The following MYO16 variants were observed in gnomAD, a reference collection of about 807,000 sequenced individuals.
MYO16 encodes unconventional myosin-XVI.
Under a neutral mutation model 205.3 loss-of-function variants are expected in MYO16, and 94 were observed. The observed-to-expected ratio is 0.46, with a 90% CI of 0.39 to 0.54. The LOEUF (loss-of-function observed/expected upper bound fraction) is 0.54. MYO16 is among the 20% of genes least tolerant of loss of function. MYO16 has a pLI of 0.00. For missense variants in MYO16, 2,315 were observed against 2,387.5 expected (o/e 0.97, Z 0.63); for synonymous variants, 988 against 954.0 (o/e 1.04, Z -0.66).
At chr13:108,927,479 G>T (rs1182954282) in intron 16 of MYO16, among the ~76,000 whole-genome samples, 2 of 152,120 alleles carry the variant, frequency 1.3e-5, no homozygotes, top group Non-Finnish European at 2.9e-5. Flanking sequence ...CCCTGCTGCA[G>T]GCCAATTAGG....
chr13:108,693,969 T>A (rs1566554092), intron 2 of MYO16, among the ~76,000 whole-genome samples: 1 of 152,200 alleles, frequency 6.6e-6, no homozygotes, highest in Non-Finnish European at 1.5e-5. Flanking sequence ...TATTTGGTTT[T>A]CTGTTCCTGT....
chr13:108,504,374 A>T, the MYO16 span, among the ~76,000 whole-genome samples: 1 of 151,950 alleles, frequency 6.6e-6, no homozygotes, highest in Admixed American at 6.6e-5. Context: ...TGATCCACCC[A>T]CCTCAGCCTC....
chr13:109,054,008 T>C (rs995691237), intron 25 of MYO16, among the ~76,000 whole-genome samples: 2 of 152,158 alleles, frequency 1.3e-5, no homozygotes, highest in Admixed American at 6.6e-5. Context: ...GATTTCCTTC[T>C]TGTATCAAGA....
intron 4 of MYO16, among the ~76,000 whole-genome samples, chr13:108,756,219 G>A (rs1885417934): frequency 6.6e-6 from 1 of 151,690 alleles, no homozygotes; most frequent in African/African-American, 2.4e-5. Flanking sequence ...TTATTTTTCA[G>A]TAGAAAAAAA....
chr13:108,979,259 T>A lies in MYO16; in HGVS notation c.2370-13117T>A, dbSNP rs139064012. 5.4e-3 allele frequency among the ~76,000 whole-genome samples: 817 copies of A among 152,084 alleles called. 1 individual carries two copies. The highest frequency in any genetic ancestry group is 8.4e-3 in the Non-Finnish European group (569 of 67,862). On this transcript the variant is annotated intron_variant, in intron 20 of 34. Transcript: ENST00000457511. ...TTTTGGGTGATTTTTTTTTCCTGAA[T>A]TCATGAGCTGAATATTTGTTTCATA...
chr13:108,792,589 G>A (rs1886650405), intron 5 of MYO16, among the ~76,000 whole-genome samples: 1 of 146,780 alleles, frequency 6.8e-6, no homozygotes, highest in Non-Finnish European at 1.5e-5. Context: ...TTGGCTCACT[G>A]CAACCTCTGC....
intron 4 of MYO16, among the ~76,000 whole-genome samples, chr13:108,747,939 TGATA>T (rs1885118053): frequency 6.6e-6 from 1 of 152,086 alleles, no homozygotes; most frequent in African/African-American, 2.4e-5. Context: ...TTTCAGGAAT[TGATA>T]GATCAAACAG....
chr13:108,851,993 C>T (rs561393330), intron 10 of MYO16, among the ~76,000 whole-genome samples: 1 of 152,310 alleles, frequency 6.6e-6, no homozygotes, highest in Non-Finnish European at 1.5e-5. Flanking sequence ...ACACCCATCT[C>T]CTCCCGACCT....
the MYO16 span, among the ~76,000 whole-genome samples, chr13:108,541,266 T>C: frequency 1.3e-4 from 20 of 151,882 alleles, no homozygotes; most frequent in South Asian, 3.5e-3. Flanking sequence ...ATATATTACA[T>C]TATACATCTA....
In MYO16 at chr13:109,109,273, C is replaced by T. The variant is rs568374291; in HGVS notation, c.3438+8386C>T. 6.6e-5 allele frequency among the ~76,000 whole-genome samples: 10 copies of T among 152,282 alleles called. No homozygotes were observed. The South Asian group carries it at 2.1e-3, about 32-fold the overall frequency. On this transcript the variant is annotated intron_variant, in intron 28 of 34. Coordinates refer to ENST00000457511, the MANE Select transcript of MYO16 (RefSeq NM_001198950.3). Reference sequence around the variant, plus strand: ...ATGCCAGAAGCCTTGTAATTACTAACACGTTTTTCTTCTCAAGAACCAGTT... The same window carrying T: ...ATGCCAGAAGCCTTGTAATTACTAATACGTTTTTCTTCTCAAGAACCAGTT...
chr13:108,859,967 T>G (rs553127000), intron 11 of MYO16, among the ~76,000 whole-genome samples: 62 of 152,104 alleles, frequency 4.1e-4, no homozygotes, highest in African/African-American at 1.2e-3. Flanking sequence ...TTCAGCCACT[T>G]AACATGCCAC....
intron 4 of MYO16, among the ~76,000 whole-genome samples, chr13:108,777,363 CG>C (rs1566321757): frequency 6.6e-6 from 1 of 151,948 alleles, no homozygotes; most frequent in Admixed American, 6.6e-5. Flanking sequence ...ATTACAAAGG[CG>C]GGGGGTAAAG....
At chr13:108,739,109 T>C (rs1566580084) in intron 4 of MYO16, among the ~76,000 whole-genome samples, 1 of 152,226 alleles carries the variant, frequency 6.6e-6, no homozygotes, top group African/African-American at 2.4e-5. Context: ...TCTGTGTCTT[T>C]TAATTGGAGC....
chr13:109,126,834 G>A (rs146027200), intron 30 of MYO16, among the ~76,000 whole-genome samples: 10 of 152,274 alleles, frequency 6.6e-5, no homozygotes, highest in South Asian at 2.1e-4. Context: ...ATCCTCTTGC[G>A]AGGGGAAATG....
chr13:108,669,226 T>C (rs746318662), intron 2 of MYO16, among the ~76,000 whole-genome samples: 5 of 151,428 alleles, frequency 3.3e-5, no homozygotes, highest in Non-Finnish European at 7.4e-5. Flanking sequence ...TGAGGGAGGG[T>C]GCTTTCTTGG....
intron 33 of MYO16, among the ~76,000 whole-genome samples, chr13:109,168,122 G>T (rs1878766006): frequency 6.6e-6 from 1 of 151,950 alleles, no homozygotes; most frequent in Non-Finnish European, 1.5e-5. Context: ...ATCATAAAAA[G>T]TCAACTCAAA....
At chr13:108,933,499 G>A (rs976010184) in intron 16 of MYO16, among the ~76,000 whole-genome samples, 3 of 140,440 alleles carry the variant, frequency 2.1e-5, no homozygotes, top group Middle Eastern at 3.5e-3. Context: ...TTATTTGGAT[G>A]TGTGTGTGTG....
the MYO16 span, among the ~76,000 whole-genome samples, chr13:108,553,140 TC>T: frequency 6.8e-6 from 1 of 147,986 alleles, no homozygotes; most frequent in South Asian, 2.3e-4. Context: ...TGCCTCAGCC[TC>T]CTGAGTAGCT....
At chr13:108,959,777 C>T (rs1237901164) in intron 17 of MYO16, among the ~76,000 whole-genome samples, 1 of 152,172 alleles carries the variant, frequency 6.6e-6, no homozygotes, top group Non-Finnish European at 1.5e-5. Flanking sequence ...CGCAGAAGCA[C>T]AGCCTCCTTT....
Sources: allele counts gnomAD v4.1 joint callset (sites outside exome capture counted in the v4.1 genomes callset), GRCh38; gene constraint gnomAD v4.1.1; transcripts MANE v1.5; gene names NCBI Gene and HGNC (gene_info 2026-07-23, HGNC 2026-07-21).